Variants in TGFBRAP1 observed in about 807,000 individuals in gnomAD.
The protein encoded by TGFBRAP1 is transforming growth factor-beta receptor-associated protein 1.
TGFBRAP1 carries 20 observed loss-of-function variants against 83.2 expected under a neutral mutation model. The observed-to-expected ratio is 0.24, with a 90% CI of 0.17 to 0.35. The LOEUF is 0.35. TGFBRAP1 is among the 10% of genes least tolerant of loss of function. The probability of loss-of-function intolerance (pLI) is 1.00; values close to 1 mark genes in which losing one functional copy is unlikely to be tolerated. For missense variants in TGFBRAP1, 950 were observed against 1,099.4 expected (o/e 0.86, Z 1.92); for synonymous variants, 415 against 459.8 (o/e 0.90, Z 1.25).
Position 105,267,330 on chromosome 2 carries a change from C to G in TGFBRAP1, c.*53G>C. On this transcript the variant is annotated 3_prime_UTR_variant, in exon 12 of 12. Transcript: ENST00000393359. ...ATGGTGGTCATCTGCTCTTCATGTC[C>G]AGCAGGCTCAGAAAGAACTCGGAGT... 1 of 1,601,202 alleles carries G rather than the reference C, an allele frequency of 6.2e-7. No individual in the cohort carries two copies. The highest frequency in any genetic ancestry group is 8.5e-7 in the Non-Finnish European group (1 of 1,172,884).
At chr2:105,277,747 C>G in intron 6 of TGFBRAP1, 76 bp from the exon 7 acceptor site, 2 of 1,313,406 alleles carry the variant, frequency 1.5e-6, no homozygotes, top group Non-Finnish European at 2.2e-6. Context: ...GTGACACCCC[C>G]AGTCCAAGCT....
chr2:105,309,587 CTG>C (rs1225174364), intron 1 of TGFBRAP1, among the ~76,000 whole-genome samples: 2 of 152,182 alleles, frequency 1.3e-5, no homozygotes, highest in African/African-American at 2.4e-5. Context: ...AATTTTGTGT[CTG>C]CCCCCATCCA....
chr2:105,290,583 G>A (rs1297471724), intron 4 of TGFBRAP1, among the ~76,000 whole-genome samples: 2 of 149,766 alleles, frequency 1.3e-5, no homozygotes, highest in Non-Finnish European at 2.9e-5. Flanking sequence ...GACAGAGAGA[G>A]AGAAAGAGAG....
chr2:105,315,723 GAAC>G (rs1233375478), intron 1 of TGFBRAP1, among the ~76,000 whole-genome samples: 1 of 152,170 alleles, frequency 6.6e-6, no homozygotes, highest in African/African-American at 2.4e-5. Flanking sequence ...TGAGGATGTA[GAAC>G]AACTGGAAAT....
intron 4 of TGFBRAP1, among the ~76,000 whole-genome samples, chr2:105,289,160 C>A (rs1382069740): frequency 1.3e-5 from 2 of 150,330 alleles, no homozygotes; most frequent in African/African-American, 2.5e-5. Flanking sequence ...GAGGTGGTGG[C>A]AAGAAAAGAG....
At position 105,298,522 on chromosome 2, in the gene TGFBRAP1, T is replaced by C. The variant is rs1374100663; in HGVS notation, c.872A>G (p.Gln291Arg). 1.9e-6 allele frequency: 3 copies of C among 1,598,628 alleles called. No homozygotes were observed. The highest frequency in any genetic ancestry group is 2.6e-6 in the Non-Finnish European group (3 of 1,170,382). The stretch of plus-strand genomic sequence containing the variant: ...ATGTGAATGAGTACCTTCAAAGTCC[T>C]GTAGGATATGGCCCTCCTTAAAGGG... ...TLPFKEGHIL[Q>R]DFEGRVIVAT... The change falls in exon 3 of 12, where the codon CAG (glutamine) becomes CGG (arginine). Residue 291 changes from glutamine (Q) to arginine (R), a missense_variant. Coordinates refer to ENST00000393359, the MANE Select transcript of TGFBRAP1 (RefSeq NM_004257.6).
At chr2:105,301,754 G>T (rs890022725) in intron 2 of TGFBRAP1, among the ~76,000 whole-genome samples, 1 of 151,980 alleles carries the variant, frequency 6.6e-6, no homozygotes, top group Non-Finnish European at 1.5e-5. Flanking sequence ...TTGAGATGGG[G>T]TCTTGGTGTG....
At chr2:105,257,058 T>G in the TGFBRAP1 span, among the ~76,000 whole-genome samples, 1 of 152,180 alleles carries the variant, frequency 6.6e-6, no homozygotes, top group Non-Finnish European at 1.5e-5. Context: ...GAAATAACCA[T>G]AAAAATGGGC....
chr2:105,329,507 G>C (rs1474127282), intron 1 of TGFBRAP1, 118 bp downstream of exon 1: 1 of 87,536 alleles, frequency 1.1e-5, no homozygotes, highest in South Asian at 4.5e-4. Context: ...GCACACGCAC[G>C]GGCTCGCCCT....
chr2:105,315,196 T>C (rs922451564), intron 1 of TGFBRAP1, among the ~76,000 whole-genome samples: 8 of 152,138 alleles, frequency 5.3e-5, no homozygotes, highest in Non-Finnish European at 5.9e-5. Flanking sequence ...AAGATCCTTA[T>C]GGATAAAATA....
chr2:105,292,979 G>A (rs1197351566), intron 4 of TGFBRAP1, among the ~76,000 whole-genome samples: 2 of 151,992 alleles, frequency 1.3e-5, no homozygotes, highest in African/African-American at 4.8e-5. Context: ...GTACAGGCTA[G>A]CGAGATTTTT....
intron 10 of TGFBRAP1, among the ~76,000 whole-genome samples, chr2:105,270,589 G>A (rs1389947839): frequency 6.6e-6 from 1 of 152,230 alleles, no homozygotes; most frequent in African/African-American, 2.4e-5. Flanking sequence ...TTAGGGTCAA[G>A]ACTAATAATC....
chr2:105,316,138 T>C lies in TGFBRAP1; in HGVS notation c.-17-7820A>G, dbSNP rs558092625. Among the ~76,000 whole-genome samples the C allele has an allele frequency of 2.2e-3, 339 of 152,234 alleles. 1 individual carries two copies. The highest frequency in any genetic ancestry group is 4.2e-3 in the Non-Finnish European group (289 of 68,008). ...TTCAAAAGTAGGCCACGCTAATCTA[T>C]AGCGACAGAAATCAGAACAGTGTTT... is the stretch of plus-strand genomic sequence containing the variant. On this transcript the variant is annotated intron_variant, in intron 1 of 11. Coordinates refer to ENST00000393359, the MANE Select transcript of TGFBRAP1 (RefSeq NM_004257.6).
chr2:105,276,669 T>C (rs536959590), intron 7 of TGFBRAP1, among the ~76,000 whole-genome samples: 2 of 152,350 alleles, frequency 1.3e-5, no homozygotes, highest in East Asian at 3.9e-4. Flanking sequence ...ACTATACTTA[T>C]ATAAAGCTGT....
chr2:105,274,759 C>A (rs1009380235), intron 8 of TGFBRAP1, among the ~76,000 whole-genome samples: 1 of 152,180 alleles, frequency 6.6e-6, no homozygotes, highest in Non-Finnish European at 1.5e-5. Context: ...GCCAGCACCA[C>A]GGAGGATATG....
intron 2 of TGFBRAP1, 68 bp downstream of exon 2, chr2:105,307,546 C>T (rs753778848): frequency 2.0e-6 from 3 of 1,485,770 alleles, no homozygotes; most frequent in Non-Finnish European, 2.7e-6. Flanking sequence ...CAATCTCACT[C>T]TCCAGTTTCA....
intron 5 of TGFBRAP1, among the ~76,000 whole-genome samples, chr2:105,281,749 A>C (rs1357446042): frequency 1.3e-5 from 2 of 152,144 alleles, no homozygotes; most frequent in African/African-American, 4.8e-5. Context: ...GCCAGTTTGT[A>C]CATTTCATGA....
intron 8 of TGFBRAP1, among the ~76,000 whole-genome samples, chr2:105,275,252 C>A (rs1677297437): frequency 6.6e-6 from 1 of 152,196 alleles, no homozygotes; most frequent in Admixed American, 6.5e-5. Flanking sequence ...GAGCGGGGTT[C>A]ACAGACACAA....
chr2:105,272,703 C>G, intron 10 of TGFBRAP1, 152 bp downstream of exon 10: 2 of 1,047,886 alleles, frequency 1.9e-6, no homozygotes, highest in Non-Finnish European at 2.7e-6. Flanking sequence ...GACACCCTGT[C>G]TTCATTTAAA....
Sources: allele counts gnomAD v4.1 joint callset (sites outside exome capture counted in the v4.1 genomes callset), GRCh38; gene constraint gnomAD v4.1.1; transcripts MANE v1.5; gene names NCBI Gene and HGNC (gene_info 2026-07-23, HGNC 2026-07-21).